Variants in CHST3 observed in about 807,000 individuals in gnomAD.
CHST3 encodes the protein C6ST-1.
CHST3 carries 20 observed loss-of-function variants against 35.4 expected under a neutral mutation model. The observed-to-expected ratio is 0.57, with a 90% confidence interval of 0.40 to 0.82. The LOEUF (loss-of-function observed/expected upper bound fraction) is 0.82. CHST3 is among the 40% of genes least tolerant of loss of function. The pLI is 0.00. For missense variants in CHST3, 693 were observed against 670.1 expected (o/e 1.03, Z -0.38); for synonymous variants, 334 against 295.9 (o/e 1.13, Z -1.32).
chr10:71,989,210 T>C (rs963345544), intron 1 of CHST3, among the ~76,000 whole-genome samples: 3 of 151,944 alleles, frequency 2.0e-5, no homozygotes, highest in African/African-American at 7.3e-5. Flanking sequence ...GAGAAAATAA[T>C]TTGCCAGCCT....
At chr10:71,978,361 G>A (rs188760895) in intron 1 of CHST3, among the ~76,000 whole-genome samples, 81 of 149,402 alleles carry the variant, frequency 5.4e-4, no homozygotes, top group African/African-American at 2.0e-3. Context: ...CCGAGCCTCC[G>A]TCTTAAAAAA....
chr10:72,009,298 C>G lies in CHST3; in HGVS notation c.*827C>G, dbSNP rs769354491. On this transcript the variant is annotated 3_prime_UTR_variant, in exon 3 of 3. Coordinates refer to ENST00000373115, the MANE Select transcript of CHST3 (RefSeq NM_004273.5). Reference sequence around the variant, plus strand: ...AAAGAAACGCGTTAAAGGGCCATGACATGACACAGTTCCCTGGCCGGGTTT... The same window carrying G: ...AAAGAAACGCGTTAAAGGGCCATGAGATGACACAGTTCCCTGGCCGGGTTT... 5 of 152,236 alleles carry G rather than the reference C, an allele frequency of 3.3e-5. No homozygotes were observed. The highest frequency in any genetic ancestry group is 7.3e-5 in the Non-Finnish European group (5 of 68,048). 9.4% of individuals were successfully genotyped at this position (152,236 alleles called of 1,614,324 possible).
chr10:72,007,133 C>A (rs753672743), intron 2 of CHST3, 39 bp from the exon 3 acceptor site: 1 of 1,608,812 alleles, frequency 6.2e-7, no homozygotes, highest in Non-Finnish European at 8.5e-7. Context: ...GACGGGGTCC[C>A]CAGTCAGCCA....
intron 1 of CHST3, among the ~76,000 whole-genome samples, chr10:71,976,880 A>G (rs1422297878): frequency 1.3e-5 from 2 of 152,230 alleles, no homozygotes; most frequent in East Asian, 1.9e-4. Context: ...ATTGTATAAA[A>G]TCAATAATAC....
At chr10:71,996,875 G>T (rs1000033704) in intron 1 of CHST3, among the ~76,000 whole-genome samples, 2 of 152,088 alleles carry the variant, frequency 1.3e-5, no homozygotes, top group Non-Finnish European at 2.9e-5. Flanking sequence ...CACAGGCATT[G>T]CTGGGGGTAT....
At chr10:71,979,754 T>C (rs897537713) in intron 1 of CHST3, among the ~76,000 whole-genome samples, 6 of 152,184 alleles carry the variant, frequency 3.9e-5, no homozygotes, top group Non-Finnish European at 8.8e-5. Context: ...GCTTAGTATG[T>C]AAAATTCAAG....
At chr10:72,004,350 T>C (rs969236590) in intron 1 of CHST3, among the ~76,000 whole-genome samples, 9 of 152,168 alleles carry the variant, frequency 5.9e-5, no homozygotes, top group Non-Finnish European at 1.2e-4. Context: ...TGTTGCTTTA[T>C]GGCTTTATGA....
Position 71,964,539 on chromosome 10 carries a change from G to C in CHST3, c.-263G>C, listed in dbSNP as rs1839609747. ...GCCTCCATCCCTCCGGCCCGCCCCG[G>C]AGAAGACGCACAGCTCGGGCCGCGC... is the stretch of plus-strand genomic sequence containing the variant. On this transcript the variant is annotated 5_prime_UTR_variant, in exon 1 of 3. Transcript: ENST00000373115. The C allele has an allele frequency of 6.6e-6, 1 of 152,098 alleles. No homozygotes were observed. The allele number at this position is 152,098 out of a possible 1,614,324, so 9.4% of individuals were successfully genotyped here.
chr10:71,978,478 A>G (rs778164651), intron 1 of CHST3, among the ~76,000 whole-genome samples: 17 of 151,974 alleles, frequency 1.1e-4, no homozygotes, highest in Non-Finnish European at 2.4e-4. Context: ...AATATCATGA[A>G]CTCAACAATC....
intron 1 of CHST3, among the ~76,000 whole-genome samples, chr10:71,982,673 C>T (rs1158740642): frequency 2.6e-5 from 4 of 152,000 alleles, no homozygotes; most frequent in African/African-American, 7.3e-5. Flanking sequence ...CTCTTGAACC[C>T]GAGAGATTGA....
In CHST3 at chr10:71,986,846, A is replaced by G. The variant is rs530368522; in HGVS notation, c.-107-18890A>G. Among the ~76,000 whole-genome samples, 29 of 152,330 alleles carry G rather than the reference A, an allele frequency of 1.9e-4. 1 individual carries two copies. The South Asian group carries it at 5.0e-3, about 26-fold the overall frequency. On this transcript the variant is annotated intron_variant, in intron 1 of 2. Transcript: ENST00000373115. Reference sequence around the variant, plus strand: ...TTGGCATAGACGGGCTCTGGCTGACATTTGTTCAGACCAGCAATAATGCCC... The same window carrying G: ...TTGGCATAGACGGGCTCTGGCTGACGTTTGTTCAGACCAGCAATAATGCCC...
At chr10:71,987,992 A>G (rs1315709989) in intron 1 of CHST3, among the ~76,000 whole-genome samples, 1 of 152,206 alleles carries the variant, frequency 6.6e-6, no homozygotes, top group Admixed American at 6.5e-5. Flanking sequence ...TTGTGTAGCC[A>G]TTGAAGGCTA....
rs1258886439 is a variant in CHST3 at position 72,011,584 on chromosome 10, C to A, written c.*3113C>A. 6.6e-6 allele frequency: 1 copy of A among 152,270 alleles called. No homozygotes were observed. Among genetic ancestry groups the A allele is most frequent in the African/African-American group, 2.4e-5 (1 of 41,468 alleles). The allele number at this position is 152,270 out of a possible 1,614,324, so 9.4% of individuals were successfully genotyped here. A position where few individuals can be genotyped will look rare whatever the true frequency, so the allele number is the denominator to read the frequency against. On this transcript the variant is annotated 3_prime_UTR_variant, in exon 3 of 3. Coordinates refer to ENST00000373115, the MANE Select transcript of CHST3 (RefSeq NM_004273.5). ...CTTGTCTGCCAGAAGCCTTCCCCTG[C>A]AAGGTGCCCACCTGCCCGGAGACAG...
intron 1 of CHST3, among the ~76,000 whole-genome samples, chr10:72,005,283 TTGTGTGTGTGTGTGTGTCTG>T (rs1423930985): frequency 6.7e-6 from 1 of 149,314 alleles, no homozygotes; most frequent in African/African-American, 2.5e-5. Flanking sequence ...GTCTGCACCT[TTGTGTGTGTGTGTGTGTCTG>T]TGTGTGTGTG....
chr10:71,984,211 C>T (rs1395648992), intron 1 of CHST3, among the ~76,000 whole-genome samples: 5 of 152,108 alleles, frequency 3.3e-5, no homozygotes, highest in African/African-American at 1.2e-4. Flanking sequence ...TTAGTAGAGA[C>T]GGGGTTTCAT....
intron 1 of CHST3, among the ~76,000 whole-genome samples, chr10:72,004,265 C>T (rs1046803225): frequency 1.3e-5 from 2 of 152,104 alleles, no homozygotes; most frequent in Non-Finnish European, 2.9e-5. Context: ...TCTTGCCTGG[C>T]CCAGGATTGA....
chr10:71,968,152 T>C (rs568467111), intron 1 of CHST3, among the ~76,000 whole-genome samples: 25 of 152,204 alleles, frequency 1.6e-4, no homozygotes, highest in African/African-American at 6.0e-4. Context: ...CCAGCATCTG[T>C]TAATGTTTGA....
intron 1 of CHST3, among the ~76,000 whole-genome samples, chr10:71,974,249 G>A (rs557625913): frequency 1.7e-4 from 26 of 152,298 alleles, no homozygotes; most frequent in Non-Finnish European, 3.7e-4. Flanking sequence ...CTAAGCACCT[G>A]CCATGTGCCA....
chr10:71,992,187 T>C (rs1464777385), intron 1 of CHST3, among the ~76,000 whole-genome samples: 1 of 152,158 alleles, frequency 6.6e-6, no homozygotes, highest in East Asian at 1.9e-4. Context: ...TTTTTGTTTT[T>C]GTTTTTTGTG....
Sources: allele counts gnomAD v4.1 joint callset (sites outside exome capture counted in the v4.1 genomes callset), GRCh38; gene constraint gnomAD v4.1.1; transcripts MANE v1.5; gene names NCBI Gene and HGNC (gene_info 2026-07-23, HGNC 2026-07-21).